The following PDE1C variants were observed in gnomAD, a reference collection of about 807,000 sequenced individuals.
PDE1C encodes the protein phosphodiesterase 1C, also known as dual specificity calcium/calmodulin-dependent 3',5'-cyclic nucleotide phosphodiesterase 1C.
A neutral mutation model predicts 93.1 loss-of-function variants in PDE1C; 62 were observed. The observed-to-expected ratio is 0.67, with a 90% CI of 0.54 to 0.82. PDE1C has a LOEUF of 0.82. Among genes scored for constraint, PDE1C ranks in the 40% least tolerant of loss-of-function variants. The pLI is 0.00. For missense variants in PDE1C, 742 were observed against 884.6 expected, an observed-to-expected ratio of 0.84 and a Z score of 2.04; for synonymous variants, 325 against 310.1, an observed-to-expected ratio of 1.05 and a Z score of -0.50.
the PDE1C span, among the ~76,000 whole-genome samples, chr7:31,629,618 A>G: frequency 1.3e-5 from 2 of 152,226 alleles, no homozygotes; most frequent in African/African-American, 2.4e-5. Context: ...TTATCTTTCA[A>G]AATACAATGG....
At chr7:31,755,242 C>A (rs1015152581) in intron 17 of PDE1C, among the ~76,000 whole-genome samples, 3 of 152,020 alleles carry the variant, frequency 2.0e-5, no homozygotes, top group Non-Finnish European at 4.4e-5. Context: ...TTGATTATAT[C>A]AATATGAATT....
intron 3 of PDE1C, among the ~76,000 whole-genome samples, chr7:32,163,138 C>T (rs561742516): frequency 2.6e-5 from 4 of 152,142 alleles, no homozygotes; most frequent in African/African-American, 7.2e-5. Flanking sequence ...AGTAGGTGTC[C>T]CCAGAAGTTT....
chr7:31,660,462 T>C, the PDE1C span, among the ~76,000 whole-genome samples: 3 of 152,276 alleles, frequency 2.0e-5, no homozygotes, highest in Non-Finnish European at 2.9e-5. Context: ...AAGGTTAGAT[T>C]GTTCTGGAGC....
intron 2 of PDE1C, among the ~76,000 whole-genome samples, chr7:32,205,922 G>A (rs1805442706): frequency 6.6e-6 from 1 of 152,064 alleles, no homozygotes; most frequent in Admixed American, 6.6e-5. Context: ...AACAAACTAT[G>A]GACACACCAT....
At chr7:32,250,681 C>G (rs963231454) in intron 1 of PDE1C, among the ~76,000 whole-genome samples, 2 of 152,210 alleles carry the variant, frequency 1.3e-5, no homozygotes, top group South Asian at 2.1e-4. Flanking sequence ...TCAGAAGCAA[C>G]AGCGCACAGC....
chr7:32,157,459 A>G (rs1281543972), intron 3 of PDE1C, among the ~76,000 whole-genome samples: 2 of 152,186 alleles, frequency 1.3e-5, no homozygotes, highest in African/African-American at 4.8e-5. Flanking sequence ...ATGTACAACT[A>G]TGTCAATAAA....
intron 2 of PDE1C, among the ~76,000 whole-genome samples, chr7:31,893,919 T>C (rs977121297): frequency 1.3e-5 from 2 of 152,212 alleles, no homozygotes; most frequent in African/African-American, 4.8e-5. Flanking sequence ...TTAGCATTTC[T>C]AAAACCTCTT....
the PDE1C span, among the ~76,000 whole-genome samples, chr7:31,683,549 A>G: frequency 1.3e-5 from 2 of 152,266 alleles, no homozygotes; most frequent in South Asian, 4.1e-4. Context: ...CTCACTTACC[A>G]GGGGATATTG....
chr7:32,335,442 C>T (rs1394423772), intron 1 of PDE1C, among the ~76,000 whole-genome samples: 1 of 152,306 alleles, frequency 6.6e-6, no homozygotes, highest in Middle Eastern at 3.4e-3. Context: ...AGCAAAGTAC[C>T]ACAGACTGAG....
chr7:32,138,488 C>G (rs1800330063), intron 3 of PDE1C, among the ~76,000 whole-genome samples: 1 of 152,058 alleles, frequency 6.6e-6, no homozygotes, highest in Non-Finnish European at 1.5e-5. Flanking sequence ...TAATTTTTTA[C>G]TGTTTGAATT....
At chr7:32,013,447 G>A (rs1032672018) in intron 2 of PDE1C, among the ~76,000 whole-genome samples, 1 of 152,214 alleles carries the variant, frequency 6.6e-6, no homozygotes, top group Admixed American at 6.5e-5. Flanking sequence ...AGGAGACAGG[G>A]TTATTTATAA....
chr7:31,989,925 A>G (rs1376325963), intron 2 of PDE1C, among the ~76,000 whole-genome samples: 5 of 152,258 alleles, frequency 3.3e-5, no homozygotes, highest in African/African-American at 7.2e-5. Flanking sequence ...TCAATTATTC[A>G]TTAACTACTT....
chr7:32,103,743 A>C (rs1169916640), intron 3 of PDE1C, among the ~76,000 whole-genome samples: 1 of 152,226 alleles, frequency 6.6e-6, no homozygotes, highest in Non-Finnish European at 1.5e-5. Flanking sequence ...ACAAATAACA[A>C]AAAGGAACCT....
chr7:31,626,713 C>G, the PDE1C span, among the ~76,000 whole-genome samples: 1 of 152,148 alleles, frequency 6.6e-6, no homozygotes, highest in African/African-American at 2.4e-5. Context: ...TGCCCCAAAA[C>G]TCTTGTTGTG....
intron 16 of PDE1C, among the ~76,000 whole-genome samples, chr7:31,779,110 C>T (rs563805717): frequency 4.6e-5 from 7 of 152,302 alleles, no homozygotes; most frequent in Admixed American, 1.3e-4. Flanking sequence ...CTTCCAGAGG[C>T]GAGGTTTAGG....
intron 1 of PDE1C, among the ~76,000 whole-genome samples, chr7:32,295,219 G>C (rs1026845121): frequency 1.3e-5 from 2 of 152,220 alleles, no homozygotes. Context: ...TGGTTAAGCA[G>C]AGTTAACAAA....
intron 1 of PDE1C, among the ~76,000 whole-genome samples, chr7:32,260,378 C>T (rs1393312694): frequency 6.6e-6 from 1 of 152,192 alleles, no homozygotes; most frequent in Non-Finnish European, 1.5e-5. Flanking sequence ...GTAATTATTT[C>T]TAGTATTCAC....
chr7:32,012,514 C>T (rs891338315), intron 2 of PDE1C, among the ~76,000 whole-genome samples: 1 of 152,092 alleles, frequency 6.6e-6, no homozygotes, highest in Non-Finnish European at 1.5e-5. Context: ...GGACAAACAT[C>T]CAAACCCATA....
intron 2 of PDE1C, among the ~76,000 whole-genome samples, chr7:31,896,049 C>T (rs1270733367): frequency 1.6e-5 from 2 of 128,812 alleles, no homozygotes; most frequent in South Asian, 2.4e-4. Context: ...ACAAACTGCC[C>T]CATCACCCAG....
Sources: allele counts gnomAD v4.1 joint callset (sites outside exome capture counted in the v4.1 genomes callset), GRCh38; gene constraint gnomAD v4.1.1; transcripts MANE v1.5; gene names NCBI Gene and HGNC (gene_info 2026-07-23, HGNC 2026-07-21).